GPR89B: variants seen among roughly 807,000 people sequenced by gnomAD.
GPR89B encodes the protein golgi pH regulator B, also known as G protein-coupled receptor 89B.
GPR89B carries 25 observed loss-of-function variants against 52.4 expected under a neutral mutation model. The ratio of observed to expected loss-of-function variants is 0.48; its 90% CI spans 0.35 to 0.67. GPR89B has a LOEUF of 0.67. GPR89B is among the 30% of genes least tolerant of loss of function. The pLI, the probability that GPR89B is intolerant of heterozygous loss-of-function variation, is 0.01. For synonymous variants in GPR89B, 52 were observed against 151.2 expected (o/e 0.34, Z 4.81); for missense variants, 146 against 450.2 (o/e 0.32, Z 6.11).
At chr1:147,969,841 T>C (rs1657287575) in intron 9 of GPR89B, 26 bp from the exon 10 acceptor site, 11 of 1,294,696 alleles carry the variant, frequency 8.5e-6, no homozygotes. Flanking sequence ...TGCTGAAAAC[T>C]ATGTTTTGTG....
the GPR89B span, among the ~76,000 whole-genome samples, chr1:148,015,293 ATCTCTCTCTCTCTCTCTCTC>A: frequency 2.9e-5 from 2 of 69,858 alleles, no homozygotes; most frequent in African/African-American, 6.6e-5. Context: ...GGATTCTAGG[ATCTCTCTCTCTCTCTCTCTC>A]TCTCTCTCTC....
chr1:148,018,703 G>A, the GPR89B span, among the ~76,000 whole-genome samples: 1 of 151,698 alleles, frequency 6.6e-6, no homozygotes, highest in Non-Finnish European at 1.5e-5. Context: ...TTTCACTCTT[G>A]CTGCCCAGGC....
At chr1:147,961,537 T>C (rs1322266432) in intron 7 of GPR89B, among the ~76,000 whole-genome samples, 1,078 of 152,264 alleles carry the variant, frequency 7.1e-3, no homozygotes, top group African/African-American at 0.024. Flanking sequence ...CCAGGAGCAG[T>C]GGTGAATGCG....
At chr1:147,970,525 CTCTCTCTCTATCTCTA>C (rs1657363517) in intron 10 of GPR89B, among the ~76,000 whole-genome samples, 2 of 145,012 alleles carry the variant, frequency 1.4e-5, no homozygotes, top group Admixed American at 6.9e-5. Flanking sequence ...CTCTCTCTCT[CTCTCTCTCTATCTCTA>C]TCTCTCTCTC....
At chr1:147,942,098 A>G (rs1553249019) in intron 3 of GPR89B, among the ~76,000 whole-genome samples, 1 of 151,812 alleles carries the variant, frequency 6.6e-6, no homozygotes, top group Non-Finnish European at 1.5e-5. Context: ...TAGAATATAT[A>G]AAGAATTCTT....
intron 10 of GPR89B, among the ~76,000 whole-genome samples, chr1:147,983,373 A>G (rs1339984051): frequency 9.3e-4 from 141 of 152,236 alleles, no homozygotes; most frequent in Non-Finnish European, 1.3e-3. Context: ...AGAAACTACC[A>G]TCAGAGTGAA....
chr1:147,990,055 G>T (rs1241794542), intron 12 of GPR89B, among the ~76,000 whole-genome samples: 1 of 152,192 alleles, frequency 6.6e-6, no homozygotes, highest in African/African-American at 2.4e-5. Flanking sequence ...TTCCACAATG[G>T]TTGAACTAGT....
intron 12 of GPR89B, among the ~76,000 whole-genome samples, chr1:147,989,866 A>G (rs1306159564): frequency 1.3e-5 from 2 of 152,282 alleles, no homozygotes; most frequent in East Asian, 1.9e-4. Context: ...AGTCTTTGCT[A>G]TTGTGAATAG....
At position 147,936,623 on chromosome 1, in the gene GPR89B, C is replaced by T; in HGVS notation, c.43-4C>T. Reference sequence around the variant, plus strand: ...ATTGACATTCTATCTTCTTTCTCCTCCAGATACTATTTTTTGGATTTGGGT... The same window carrying T: ...ATTGACATTCTATCTTCTTTCTCCTTCAGATACTATTTTTTGGATTTGGGT... On this transcript the variant is annotated splice_region_variant and splice_polypyrimidine_tract_variant and intron_variant, in intron 1 of 13. Transcript: ENST00000314163. The T allele has an allele frequency of 1.9e-6, 3 of 1,610,500 alleles. No individual in the cohort carries two copies. The highest frequency in any genetic ancestry group is 2.5e-6 in the Non-Finnish European group (3 of 1,177,114).
chr1:147,985,636 G>GTT lies in GPR89B; in HGVS notation c.910-553_910-552dup, dbSNP rs1222776826. 7.6e-3 allele frequency among the ~76,000 whole-genome samples: 1,108 copies of GTT among 145,700 alleles called. 14 individuals carry two copies. The highest frequency in any genetic ancestry group is 0.025 in the African/African-American group (1,013 of 40,172). ...ATTTCATGTGATTATTGATGTGGTTGTTTTTTTTTTTAACGTGGTTGGATT... is the reference window on the plus strand; with the variant it reads ...ATTTCATGTGATTATTGATGTGGTTGTTTTTTTTTTTTTAACGTGGTTGGATT... On this transcript the variant is annotated intron_variant, in intron 10 of 13. Coordinates refer to ENST00000314163, the MANE Select transcript of GPR89B (RefSeq NM_016334.5).
chr1:147,969,161 ACT>A, intron 9 of GPR89B, 198 bp downstream of exon 9: 2 of 508,304 alleles, frequency 3.9e-6, no homozygotes, highest in South Asian at 2.7e-5. Context: ...TTAATGGAAC[ACT>A]CTCAAAAGTA....
the GPR89B span, chr1:148,001,188 GT>G: frequency 4.0e-6 from 1 of 249,202 alleles, no homozygotes; most frequent in South Asian, 3.4e-5. Flanking sequence ...TTGAGCTTCA[GT>G]TTAGCCTTAA....
chr1:148,023,375 C>G, the GPR89B span, among the ~76,000 whole-genome samples: 67 of 146,702 alleles, frequency 4.6e-4, 1 homozygote, highest in East Asian at 0.013. Flanking sequence ...CATGTCTTTG[C>G]TATTGTGAAT....
chr1:148,005,599 A>G, the GPR89B span: 12 of 1,157,926 alleles, frequency 1.0e-5, no homozygotes, highest in Non-Finnish European at 1.5e-5. Context: ...GATTAGCCCC[A>G]GTCCTGTGAT....
At chr1:148,004,481 T>C in the GPR89B span, among the ~76,000 whole-genome samples, 1 of 140,896 alleles carries the variant, frequency 7.1e-6, no homozygotes, top group East Asian at 2.2e-4. Flanking sequence ...TCCACTTCTA[T>C]AGTTGTTTTC....
At position 147,944,128 on chromosome 1, in the gene GPR89B, G is replaced by A. The variant is rs782546712; in HGVS notation, c.415+30G>A. On this transcript the variant is annotated intron_variant, in intron 5 of 13. Coordinates refer to ENST00000314163, the MANE Select transcript of GPR89B (RefSeq NM_016334.5). ...GTATATATAGGAGGGCAGAGGAAGT[G>A]GGGGGAGAAGATTTGTTTAATTTTC... is the stretch of plus-strand genomic sequence containing the variant. 5.7e-5 allele frequency: 91 copies of A among 1,591,340 alleles called. 6 individuals are homozygous for A. The highest frequency in any genetic ancestry group is 4.8e-4 in the African/African-American group (35 of 73,562).
chr1:148,003,079 A>C, the GPR89B span, among the ~76,000 whole-genome samples: 1 of 152,214 alleles, frequency 6.6e-6, no homozygotes, highest in South Asian at 2.1e-4. Context: ...TCCTTGACTA[A>C]AGAATTCCTG....
chr1:148,025,602 C>T, the GPR89B span, among the ~76,000 whole-genome samples: 2 of 147,608 alleles, frequency 1.4e-5, no homozygotes, highest in African/African-American at 5.1e-5. Context: ...AATTGTTTTC[C>T]CCTGAATTTA....
Position 147,941,879 on chromosome 1 carries a change from T to C in GPR89B, c.207-1559T>C, listed in dbSNP as rs587718964. 2.8e-4 allele frequency among the ~76,000 whole-genome samples: 42 copies of C among 151,974 alleles called. 2 individuals are homozygous for C. The South Asian group carries it at 8.5e-3, about 31-fold the overall frequency. ...AATATTTTACCTGTTACCATTGTTG[T>C]TCATATTTCCTTATAGTTCATTTCA... On this transcript the variant is annotated intron_variant, in intron 3 of 13. Transcript: ENST00000314163.
Sources: allele counts gnomAD v4.1 joint callset (sites outside exome capture counted in the v4.1 genomes callset), GRCh38; gene constraint gnomAD v4.1.1; transcripts MANE v1.5; gene names NCBI Gene and HGNC (gene_info 2026-07-23, HGNC 2026-07-21).